The following RAD23A variants were observed in gnomAD, a reference collection of about 807,000 sequenced individuals.
RAD23A encodes lysine-specific demethylase RAD23A.
In RAD23A, 16 loss-of-function variants were observed where a neutral mutation model predicts 44.8. The ratio of observed to expected loss-of-function variants is 0.36; its 90% CI spans 0.24 to 0.54. The LOEUF (loss-of-function observed/expected upper bound fraction) is 0.54. Among genes scored for constraint, RAD23A ranks in the 20% least tolerant of loss-of-function variants. RAD23A has a pLI of 0.89. For synonymous variants in RAD23A, 217 were observed against 202.9 expected (o/e 1.07, Z -0.59); for missense variants, 380 against 483.3 (o/e 0.79, Z 2.00).
At position 12,948,698 on chromosome 19, in the gene RAD23A, A is replaced by G; in HGVS notation, c.485A>G (p.Glu162Gly). Residue 162 changes from glutamate (E) to glycine (G), a missense_variant, in exon 5 of 9, where the codon GAG (glutamate) becomes GGG (glycine). By Grantham distance (98) the Glu-to-Gly change is moderately conservative. Transcript: ENST00000586534. The surrounding 1 kb of genome is among the most constrained non-coding windows in gnomAD (Gnocchi z 5.5). ...DAASTLVTGS[E>G]YETMLTEIMS... ...GCTTCCTCCACAGTGACGGGCTCTG[A>G]GTATGAGACGATGCTGACGGAGATC... 1 of 1,612,776 alleles carries G rather than the reference A, an allele frequency of 6.2e-7. No homozygotes were observed. Among genetic ancestry groups the G allele is most frequent in the African/African-American group, 1.3e-5 (1 of 74,980 alleles).
chr19:12,948,583 C>T lies in RAD23A; in HGVS notation c.472+31C>T. 1 of 1,577,656 alleles carries T rather than the reference C, an allele frequency of 6.3e-7. No homozygotes were observed. The highest frequency in any genetic ancestry group is 2.2e-5 in the East Asian group (1 of 44,586). On this transcript the variant is annotated intron_variant, in intron 4 of 8. Transcript: ENST00000586534. The surrounding 1 kb of genome is among the most constrained non-coding windows in gnomAD (Gnocchi z 5.5). ...TGGGTGGTCCCCAGGGCAGAGGTGA[C>T]TGGGTGCCCCAGCCATCAGCTGGGC... is the stretch of plus-strand genomic sequence containing the variant.
intron 7 of RAD23A, among the ~76,000 whole-genome samples, chr19:12,951,380 C>T (rs1470564837): frequency 6.6e-6 from 1 of 152,162 alleles, no homozygotes; most frequent in East Asian, 1.9e-4. Context: ...TTGGGCCTTC[C>T]TCTCTGGTGT....
chr19:12,952,735 C>A lies in RAD23A; in HGVS notation c.860C>A (p.Pro287His). 2 of 1,612,842 alleles carry A rather than the reference C, an allele frequency of 1.2e-6. No homozygotes were observed. The highest frequency in any genetic ancestry group is 8.5e-7 in the Non-Finnish European group (1 of 1,179,784). The change falls in exon 8 of 9, where the codon CCC (proline) becomes CAC (histidine). Residue 287 changes from proline to histidine, a missense_variant. Coordinates refer to ENST00000586534, the MANE Select transcript of RAD23A (RefSeq NM_005053.4). ...CAGTTCATCCAGATGCTGAACGAGC[C>A]CCCTGGGGAGCTGGCGGACATCTCA... The part of the protein sequence containing the change: ...QEQFIQMLNE[P>H]PGELADISDV...
At chr19:12,952,015 T>C (rs2967891) in intron 7 of RAD23A, among the ~76,000 whole-genome samples, 152,094 of 152,252 alleles carry the variant, frequency 1, 75,968 homozygotes, top group Middle Eastern at 1. Context: ...CTCTGCCTCC[T>C]GTGTTCAAGT....
chr19:12,952,208 TTATG>T (rs1440667836), intron 7 of RAD23A, among the ~76,000 whole-genome samples: 4 of 150,488 alleles, frequency 2.7e-5, no homozygotes, highest in African/African-American at 4.9e-5. Context: ...GCCAGCCTAT[TTATG>T]TATTTATTTA....
At chr19:12,951,536 T>C (rs1013883817) in intron 7 of RAD23A, among the ~76,000 whole-genome samples, 8 of 152,206 alleles carry the variant, frequency 5.3e-5, no homozygotes, top group African/African-American at 1.7e-4. Context: ...AACCTCCGCC[T>C]CCTGGGTTCA....
chr19:12,948,473 G>A lies in RAD23A; in HGVS notation c.417-24G>A, dbSNP rs1198774453. ...GGCAAGCCGCCAGAAGCCAGGGTCCGATTTCTCTCTCTTGAATTTGCAGCT... is the reference window on the plus strand; with the variant it reads ...GGCAAGCCGCCAGAAGCCAGGGTCCAATTTCTCTCTCTTGAATTTGCAGCT... On this transcript the variant is annotated intron_variant, in intron 3 of 8. Transcript: ENST00000586534. The surrounding 1 kb of genome is among the most constrained non-coding windows in gnomAD (Gnocchi z 5.5). 36 of 1,564,082 alleles carry A rather than the reference G, an allele frequency of 2.3e-5. No individual in the cohort carries two copies. Among genetic ancestry groups the A allele is most frequent in the Non-Finnish European group, 2.8e-5 (32 of 1,155,742 alleles).
rs376498078 is a variant in RAD23A, at chr19:12,949,062, T to C, written c.601-19T>C. 5 of 1,606,694 alleles carry C rather than the reference T, an allele frequency of 3.1e-6. No individual in the cohort carries two copies. The highest frequency in any genetic ancestry group is 4.2e-6 in the Non-Finnish European group (5 of 1,176,622). ...CAGCAGGAGGTCTGTGCATTAGAACTAAACAGGACCCCTGACAGGGAATTC... is the reference window on the plus strand; with the variant it reads ...CAGCAGGAGGTCTGTGCATTAGAACCAAACAGGACCCCTGACAGGGAATTC... On this transcript the variant is annotated intron_variant, in intron 5 of 8. Coordinates refer to ENST00000586534, the MANE Select transcript of RAD23A (RefSeq NM_005053.4).
chr19:12,947,951 T>A lies in RAD23A; in HGVS notation c.176T>A (p.Val59Asp). Residue 59 changes from valine to aspartate, a missense_variant, in exon 2 of 9, where the codon GTC (valine) becomes GAC (aspartate). Around this residue, in one of 3 missense-constraint regions of RAD23A, gnomAD observed 70 missense variants for 106.0 expected, o/e 0.66. Transcript: ENST00000586534. ...IYAGKILSDD[V>D]PIRDYRIDEK... ...GCCGGCAAGATCTTGAGTGACGATG[T>A]CCCTATCAGGGACTATCGCATCGAT... 3 of 1,613,944 alleles carry A rather than the reference T, an allele frequency of 1.9e-6. No individual in the cohort carries two copies. The highest frequency in any genetic ancestry group is 2.5e-6 in the Non-Finnish European group (3 of 1,180,008).
chr19:12,945,929 C>A lies in RAD23A; in HGVS notation c.-20C>A. Reference sequence around the variant, plus strand: ...TGTTGTGTGAGGATCCCGGGGCCGCCGCGTCGCTCGGGCCCCGCCATGGCC... The same window carrying A: ...TGTTGTGTGAGGATCCCGGGGCCGCAGCGTCGCTCGGGCCCCGCCATGGCC... On this transcript the variant is annotated 5_prime_UTR_variant, in exon 1 of 9. Transcript: ENST00000586534. The A allele has an allele frequency of 6.2e-7, 1 of 1,606,794 alleles. No individual in the cohort carries two copies. Among genetic ancestry groups the A allele is most frequent in the South Asian group, 1.1e-5 (1 of 90,870 alleles).
rs1476875627 is a variant in RAD23A at position 12,945,921 on chromosome 19, GGGGCCGCCGCGTCGCTC to G, written c.-22_-6del. On this transcript the variant is annotated 5_prime_UTR_variant, in exon 1 of 9. Coordinates refer to ENST00000586534, the MANE Select transcript of RAD23A (RefSeq NM_005053.4). ...GAGTTGCATGTTGTGTGAGGATCCC[GGGGCCGCCGCGTCGCTC>G]GGGCCCCGCCATGGCCGTCACCATC... 6.2e-7 allele frequency: 1 copy of G among 1,605,474 alleles called. No homozygotes were observed. The highest frequency in any genetic ancestry group is 8.5e-7 in the Non-Finnish European group (1 of 1,176,910).
chr19:12,949,691 G>A (rs1003137036), intron 7 of RAD23A: 3 of 497,124 alleles, frequency 6.0e-6, no homozygotes, highest in Non-Finnish European at 1.1e-5. Context: ...CTGGTAGTGT[G>A]TGTGTCTGCC....
intron 1 of RAD23A, 35 bp downstream of exon 1, chr19:12,946,055 A>C: frequency 1.9e-5 from 5 of 268,056 alleles, no homozygotes; most frequent in Non-Finnish European, 2.4e-5. Flanking sequence ...GGCGGGAGCG[A>C]CGGGTTTCGG....
intron 1 of RAD23A, 34 bp downstream of exon 1, chr19:12,946,054 G>C: frequency 7.1e-7 from 1 of 1,399,132 alleles, no homozygotes; most frequent in Admixed American, 2.1e-5. Flanking sequence ...GGGCGGGAGC[G>C]ACGGGTTTCG....
chr19:12,952,985 C>T lies in RAD23A; in HGVS notation c.1028C>T (p.Ala343Val). The change falls in exon 9 of 9, where the codon GCG becomes GTG. Residue 343 changes from alanine (A) to valine (V), a missense_variant. Ala to Val is a moderately conservative substitution (Grantham distance 64). This residue lies in a region of RAD23A where 31 missense variants were observed against 63.6 expected (regional missense o/e 0.49). Coordinates refer to ENST00000586534, the MANE Select transcript of RAD23A (RefSeq NM_005053.4). ...PESLVIQAYF[A>V]CEKNENLAAN... ...AGCCTGGTCATCCAGGCCTATTTCG[C>T]GTGTGAAAAAAATGAGAACTTGGCT... 6.2e-7 allele frequency: 1 copy of T among 1,613,898 alleles called. No individual in the cohort carries two copies. Among genetic ancestry groups the T allele is most frequent in the Non-Finnish European group, 8.5e-7 (1 of 1,179,978 alleles).
chr19:12,950,205 G>A (rs142353066), intron 7 of RAD23A, among the ~76,000 whole-genome samples: 3 of 152,146 alleles, frequency 2.0e-5, no homozygotes, highest in Admixed American at 6.5e-5. Context: ...AGTCCTCCCC[G>A]ATCTCTGCAA....
chr19:12,952,519 C>G, intron 7 of RAD23A, 170 bp from the exon 8 acceptor site: 1 of 751,226 alleles, frequency 1.3e-6, no homozygotes, highest in Non-Finnish European at 2.1e-6. Context: ...AAAAGCACAT[C>G]ATCAGCTCTT....
In RAD23A at chr19:12,946,092, A is replaced by C. The variant is rs148919006; in HGVS notation, c.72+72A>C. 1.7e-3 allele frequency: 2,222 copies of C among 1,307,274 alleles called. 14 individuals are homozygous for C. Among genetic ancestry groups the C allele is most frequent in the South Asian group, 4.4e-3 (338 of 77,426 alleles). The allele number at this position is 1,307,274 out of a possible 1,614,324, so 81.0% of individuals were successfully genotyped here. ...GGTGGGGTGGGGGCGGGGAGGCTAG[A>C]ATCCCAACGGGAGGGGCAGGGAGGA... On this transcript the variant is annotated intron_variant, in intron 1 of 8. Transcript: ENST00000586534.
chr19:12,948,716 CGGAGAT>C lies in RAD23A; in HGVS notation c.504_509del (p.Glu169_Ile170del). On this transcript the variant is annotated inframe_deletion, in exon 5 of 9. Transcript: ENST00000586534. This position sits in a 1 kb window ranked among gnomAD's most constrained non-coding sequence, Gnocchi z 5.5. ...GGCTCTGAGTATGAGACGATGCTGACGGAGATCATGTCCATGGGCTATGAGCGAGAG... is the reference window on the plus strand; with the variant it reads ...GGCTCTGAGTATGAGACGATGCTGACCATGTCCATGGGCTATGAGCGAGAG... 2 of 1,613,418 alleles carry C rather than the reference CGGAGAT, an allele frequency of 1.2e-6. No homozygotes were observed. The highest frequency in any genetic ancestry group is 1.7e-6 in the Non-Finnish European group (2 of 1,179,914).
Sources: allele counts gnomAD v4.1 joint callset (sites outside exome capture counted in the v4.1 genomes callset), GRCh38; gene constraint gnomAD v4.1.1; regional missense constraint gnomAD v4.1.1; non-coding constraint Gnocchi (gnomAD v3.1); transcripts MANE v1.5; gene names NCBI Gene and HGNC (gene_info 2026-07-23, HGNC 2026-07-21).